Variants in RASGEF1A observed in about 807,000 individuals in gnomAD.
RASGEF1A encodes RasGEF domain family member 1A, also known as ras-GEF domain-containing family member 1A.
RASGEF1A carries 18 observed loss-of-function variants against 56.4 expected under a neutral mutation model. The ratio of observed to expected loss-of-function variants is 0.32; its 90% CI spans 0.22 to 0.47. The LOEUF (loss-of-function observed/expected upper bound fraction) is 0.47, where lower values mean the gene tolerates loss of function less well. Among genes scored for constraint, RASGEF1A ranks in the 20% least tolerant of loss-of-function variants. The pLI is 1.00. For synonymous variants in RASGEF1A, 245 were observed against 242.6 expected (o/e 1.01, Z -0.09); for missense variants, 422 against 627.1 (o/e 0.67, Z 3.49).
intron 1 of RASGEF1A, among the ~76,000 whole-genome samples, chr10:43,259,542 T>C (rs182659052): frequency 1.3e-5 from 2 of 152,288 alleles, no homozygotes; most frequent in Admixed American, 6.5e-5. Context: ...CAACTGCACT[T>C]CTGTCCAGCC....
chr10:43,242,072 A>C (rs1840508253), intron 1 of RASGEF1A, among the ~76,000 whole-genome samples: 1 of 152,218 alleles, frequency 6.6e-6, no homozygotes, highest in African/African-American at 2.4e-5. Context: ...CAGGAGGTGG[A>C]GCTTGCAGTG....
chr10:43,213,415 G>A (rs1370401962), intron 1 of RASGEF1A, among the ~76,000 whole-genome samples: 1 of 152,176 alleles, frequency 6.6e-6, no homozygotes, highest in Non-Finnish European at 1.5e-5. Flanking sequence ...AGCAAGAATG[G>A]AAGTGGCTAG....
Position 43,196,938 on chromosome 10 carries a change from G to A in RASGEF1A, c.1348+38C>T, listed in dbSNP as rs778238876. The A allele has an allele frequency of 1.2e-6, 2 of 1,607,790 alleles. No homozygotes were observed. The highest frequency in any genetic ancestry group is 4.5e-5 in the East Asian group (2 of 44,862). ...ACCGGGCCTGGACAAGGAGTCAGGT[G>A]GGGTGGGAGGCATGCTGCGTTGGGA... is the stretch of plus-strand genomic sequence containing the variant. On this transcript the variant is annotated intron_variant, in intron 11 of 12. Transcript: ENST00000395810. This position sits in a 1 kb window ranked among gnomAD's most constrained non-coding sequence, Gnocchi z 4.6.
At chr10:43,265,483 G>A (rs1346593260) in intron 1 of RASGEF1A, among the ~76,000 whole-genome samples, 1 of 152,240 alleles carries the variant, frequency 6.6e-6, no homozygotes, top group African/African-American at 2.4e-5. Context: ...ACAGCCCTAA[G>A]GACACACACT....
chr10:43,244,065 G>A lies in RASGEF1A; in HGVS notation c.-7+22780C>T, dbSNP rs574943743. ...AAGAAAAGTTCTTCTGCCTTGGGAT[G>A]CTGTTAATCTATAACCTTACCCCCA... On this transcript the variant is annotated intron_variant, in intron 1 of 12. Coordinates refer to ENST00000395810, the MANE Select transcript of RASGEF1A (RefSeq NM_145313.4). 2.9e-4 allele frequency among the ~76,000 whole-genome samples: 44 copies of A among 152,328 alleles called. 1 individual carries two copies. Among genetic ancestry groups the A allele is most frequent in the African/African-American group, 1.1e-3 (44 of 41,586 alleles).
At chr10:43,251,730 A>G (rs1840629623) in intron 1 of RASGEF1A, among the ~76,000 whole-genome samples, 1 of 152,098 alleles carries the variant, frequency 6.6e-6, no homozygotes, top group African/African-American at 2.4e-5. Flanking sequence ...TTGGGAATCC[A>G]CACTCTCTGG....
chr10:43,200,160 C>A lies in RASGEF1A; in HGVS notation c.756+22G>T, dbSNP rs1321083960. On this transcript the variant is annotated intron_variant, in intron 6 of 12. Coordinates refer to ENST00000395810, the MANE Select transcript of RASGEF1A (RefSeq NM_145313.4). ...TGGGCAGACAGGGCTGGCAGGGGTG[C>A]CACAGGCCTTGGCCCACTTACCCTG... The A allele has an allele frequency of 3.2e-6, 5 of 1,572,810 alleles. No individual in the cohort carries two copies. The Admixed American group carries it at 7.2e-5, about 23-fold the overall frequency.
intron 1 of RASGEF1A, among the ~76,000 whole-genome samples, chr10:43,226,647 G>C (rs942584864): frequency 6.6e-6 from 1 of 152,090 alleles, no homozygotes; most frequent in Non-Finnish European, 1.5e-5. Context: ...ACACAGTGGA[G>C]CCCTCATGAC....
chr10:43,258,968 C>T (rs1836477716), intron 1 of RASGEF1A, among the ~76,000 whole-genome samples: 1 of 152,214 alleles, frequency 6.6e-6, no homozygotes, highest in Admixed American at 6.5e-5. Context: ...CCACCCTGCA[C>T]TGCCTTCACT....
At chr10:43,229,599 G>GC in intron 1 of RASGEF1A, 2 of 1,462,694 alleles carry the variant, frequency 1.4e-6, no homozygotes, top group Non-Finnish European at 1.8e-6. Context: ...CAAGAACCCT[G>GC]CCCCGCGGCC....
chr10:43,227,414 G>T (rs1840294879), intron 1 of RASGEF1A, among the ~76,000 whole-genome samples: 1 of 152,154 alleles, frequency 6.6e-6, no homozygotes, highest in Admixed American at 6.5e-5. Flanking sequence ...CAGAGGTGGT[G>T]GGCTAACATG....
chr10:43,255,970 T>C (rs928724169), intron 1 of RASGEF1A, among the ~76,000 whole-genome samples: 2 of 152,196 alleles, frequency 1.3e-5, no homozygotes, highest in African/African-American at 2.4e-5. Flanking sequence ...TTGCCAACAA[T>C]GCTAAAGCTG....
chr10:43,241,627 AAAG>A (rs1166451524), intron 1 of RASGEF1A, among the ~76,000 whole-genome samples: 2 of 152,212 alleles, frequency 1.3e-5, no homozygotes, highest in African/African-American at 4.8e-5. Context: ...ATTTAACACA[AAAG>A]AAGAAAATAA....
At chr10:43,223,966 C>T (rs921623110) in intron 1 of RASGEF1A, among the ~76,000 whole-genome samples, 1 of 152,058 alleles carries the variant, frequency 6.6e-6, no homozygotes, top group South Asian at 2.1e-4. Flanking sequence ...AAACAACTAC[C>T]TAAATCTGTG....
intron 1 of RASGEF1A, among the ~76,000 whole-genome samples, chr10:43,213,801 AT>A (rs111923786): frequency 0.056 from 8,536 of 151,864 alleles, 624 homozygotes; most frequent in African/African-American, 0.17. Flanking sequence ...TAATGTTTGT[AT>A]TTTTTAGTAG....
At chr10:43,223,003 G>T (rs7086967) in intron 1 of RASGEF1A, among the ~76,000 whole-genome samples, 18 of 150,128 alleles carry the variant, frequency 1.2e-4, no homozygotes, top group African/African-American at 4.2e-4. Context: ...CACTTTATTG[G>T]TTTTTTTTTT....
At chr10:43,238,234 T>C (rs573539587) in intron 1 of RASGEF1A, among the ~76,000 whole-genome samples, 1 of 152,052 alleles carries the variant, frequency 6.6e-6, no homozygotes, top group South Asian at 2.1e-4. Context: ...CTAGTTTATG[T>C]GTGCCTACAG....
At chr10:43,205,010 G>A (rs1017773608) in intron 2 of RASGEF1A, among the ~76,000 whole-genome samples, 1 of 152,212 alleles carries the variant, frequency 6.6e-6, no homozygotes, top group African/African-American at 2.4e-5. Context: ...AGGAGGAGTG[G>A]GCAACAGAAA....
intron 1 of RASGEF1A, among the ~76,000 whole-genome samples, chr10:43,250,982 G>A (rs777187229): frequency 2.0e-5 from 3 of 152,218 alleles, no homozygotes; most frequent in Admixed American, 6.5e-5. Context: ...CTCCAGCAGC[G>A]AGCCTCACAG....
Sources: gnomAD v4.1 joint callset for allele counts (sites outside exome capture counted in the v4.1 genomes callset) on GRCh38, gnomAD v4.1.1 for gene constraint, Gnocchi (gnomAD v3.1) non-coding constraint, MANE v1.5 for transcripts, NCBI Gene and HGNC (gene_info 2026-07-23, HGNC 2026-07-21) for gene names.